ANO10: variants seen among roughly 807,000 people sequenced by gnomAD.
ANO10 encodes anoctamin-10.
In ANO10, 77 loss-of-function variants were observed where a neutral mutation model predicts 74.7. The ratio of observed to expected loss-of-function variants is 1.03; its 90% CI spans 0.86 to 1.25. The LOEUF is 1.25. ANO10 is among the 50% of genes most tolerant of loss of function. ANO10 has a pLI of 0.00. For synonymous variants in ANO10, 279 were observed against 284.9 expected (o/e 0.98, Z 0.21); for missense variants, 721 against 778.1 (o/e 0.93, Z 0.87).
intron 1 of ANO10, among the ~76,000 whole-genome samples, chr3:43,615,044 TA>T (rs1402274832): frequency 1.3e-5 from 2 of 151,070 alleles, no homozygotes; most frequent in Non-Finnish European, 3.0e-5. Flanking sequence ...CATTGTAAGG[TA>T]AAAAATGTAA....
At chr3:43,532,743 T>C (rs183107296) in intron 11 of ANO10, among the ~76,000 whole-genome samples, 1 of 152,334 alleles carries the variant, frequency 6.6e-6, no homozygotes, top group Admixed American at 6.5e-5. Context: ...ATTCATATTA[T>C]TTTAATGCTT....
chr3:43,566,079 G>C (rs1016181402), intron 7 of ANO10, among the ~76,000 whole-genome samples: 1 of 152,196 alleles, frequency 6.6e-6, no homozygotes, highest in Admixed American at 6.5e-5. Flanking sequence ...GTGACGGACG[G>C]CACCTGGAAA....
chr3:43,658,213 G>GC (rs1365821468), intron 1 of ANO10, among the ~76,000 whole-genome samples: 3 of 121,980 alleles, frequency 2.5e-5, no homozygotes, highest in Non-Finnish European at 4.6e-5. Flanking sequence ...GTATCTTAAA[G>GC]AAGTATTTTT....
chr3:43,607,506 T>C (rs2082620163), intron 1 of ANO10, among the ~76,000 whole-genome samples: 1 of 152,026 alleles, frequency 6.6e-6, no homozygotes, highest in South Asian at 2.1e-4. Context: ...AACATGTAAT[T>C]AGTAGAGAAC....
chr3:43,681,063 A>C (rs960547608), intron 1 of ANO10, among the ~76,000 whole-genome samples: 12 of 152,188 alleles, frequency 7.9e-5, no homozygotes, highest in Non-Finnish European at 1.3e-4. Context: ...GACAGGATCA[A>C]ATTCACACAT....
chr3:43,483,317 G>C (rs187558222), intron 11 of ANO10, among the ~76,000 whole-genome samples: 55 of 152,146 alleles, frequency 3.6e-4, no homozygotes, highest in Admixed American at 5.2e-4. Context: ...ATAGAGTTTT[G>C]GTGACCTTAC....
rs556194404 is a variant in ANO10 at position 43,369,071 on chromosome 3, G to A, written c.1915-2097C>T. On this transcript the variant is annotated intron_variant, in intron 12 of 12. Coordinates refer to ENST00000292246, the MANE Select transcript of ANO10 (RefSeq NM_018075.5). ...CTGCTCCACAGTAGCCAGGGTGGAT[G>A]GGCCTTCTCCTCCAAATGACCAAAC... Among the ~76,000 whole-genome samples the A allele has an allele frequency of 1.1e-3, 167 of 151,630 alleles. 1 individual carries two copies. Among genetic ancestry groups the A allele is most frequent in the African/African-American group, 3.8e-3 (157 of 41,498 alleles).
intron 12 of ANO10, among the ~76,000 whole-genome samples, chr3:43,400,813 C>CTG (rs1171957302): frequency 1.3e-5 from 2 of 151,984 alleles, no homozygotes; most frequent in Admixed American, 6.6e-5. Flanking sequence ...CCTCTTCTGA[C>CTG]TGTGGAATAG....
At chr3:43,651,089 T>C (rs2083781792) in intron 1 of ANO10, among the ~76,000 whole-genome samples, 1 of 152,186 alleles carries the variant, frequency 6.6e-6, no homozygotes, top group Non-Finnish European at 1.5e-5. Context: ...AAACTGTTTC[T>C]TTTGGGGGAG....
At chr3:43,420,095 T>A (rs986451046) in intron 12 of ANO10, among the ~76,000 whole-genome samples, 7 of 152,220 alleles carry the variant, frequency 4.6e-5, no homozygotes, top group African/African-American at 1.7e-4. Context: ...TTTCTCTATG[T>A]TTATTACATA....
At chr3:43,574,274 CT>C (rs561626586) in intron 7 of ANO10, among the ~76,000 whole-genome samples, 1,757 of 111,242 alleles carry the variant, frequency 0.016, 15 homozygotes, top group African/African-American at 0.039. Flanking sequence ...TCCTTTCTTT[CT>C]TTTTTTTTTT....
chr3:43,421,984 C>T (rs2092826572), intron 12 of ANO10, among the ~76,000 whole-genome samples: 1 of 152,150 alleles, frequency 6.6e-6, no homozygotes, highest in Non-Finnish European at 1.5e-5. Context: ...ATAAGCCAAT[C>T]CTAGGCATTT....
chr3:43,554,412 C>T (rs1032516482), intron 10 of ANO10, among the ~76,000 whole-genome samples: 1 of 152,056 alleles, frequency 6.6e-6, no homozygotes, highest in East Asian at 1.9e-4. Flanking sequence ...AGGCTGGTCT[C>T]GAACTCCTGA....
intron 4 of ANO10, among the ~76,000 whole-genome samples, chr3:43,583,744 A>AGCT (rs1319521007): frequency 1.3e-5 from 2 of 152,254 alleles, no homozygotes; most frequent in African/African-American, 4.8e-5. Context: ...CTGTCCCCAC[A>AGCT]GCTGCTGCTG....
At chr3:43,607,293 G>C (rs571444572) in intron 1 of ANO10, among the ~76,000 whole-genome samples, 1 of 151,342 alleles carries the variant, frequency 6.6e-6, no homozygotes, top group African/African-American at 2.4e-5. Context: ...CTTGAGCCCA[G>C]GAGTTCAAGA....
intron 11 of ANO10, among the ~76,000 whole-genome samples, chr3:43,545,036 A>G (rs971476158): frequency 4.3e-5 from 6 of 140,330 alleles, no homozygotes; most frequent in Admixed American, 2.0e-4. Context: ...ATTAATTTGG[A>G]AAAAAAGCAT....
chr3:43,514,203 A>AT (rs1173083493), intron 11 of ANO10, among the ~76,000 whole-genome samples: 1 of 152,084 alleles, frequency 6.6e-6, no homozygotes, highest in Non-Finnish European at 1.5e-5. Flanking sequence ...AGCTTGTCAG[A>AT]TTGGATAAAA....
intron 11 of ANO10, among the ~76,000 whole-genome samples, chr3:43,440,185 T>A (rs1479097828): frequency 1.3e-5 from 2 of 152,200 alleles, no homozygotes; most frequent in Admixed American, 6.5e-5. Context: ...ACGGCAATTG[T>A]AAGTCTGCTC....
At chr3:43,504,300 G>GTAGATAGATAGA (rs550211978) in intron 11 of ANO10, among the ~76,000 whole-genome samples, 1,866 of 139,778 alleles carry the variant, frequency 0.013, 28 homozygotes, top group Admixed American at 0.035. Flanking sequence ...AGGTAGGTAG[G>GTAGATAGATAGA]TAGATAGATA....
Sources: gnomAD v4.1 joint callset for allele counts (sites outside exome capture counted in the v4.1 genomes callset) on GRCh38, gnomAD v4.1.1 for gene constraint, MANE v1.5 for transcripts, NCBI Gene and HGNC (gene_info 2026-07-23, HGNC 2026-07-21) for gene names.